The following CRADD variants were observed in gnomAD, a reference collection of about 807,000 sequenced individuals.
CRADD encodes death domain-containing protein CRADD.
A neutral mutation model predicts 15.5 loss-of-function variants in CRADD; 9 were observed. The observed-to-expected ratio is 0.58, with a 90% CI of 0.35 to 1.01. The LOEUF is 1.01. CRADD is among the 50% of genes least tolerant of loss of function. The probability of loss-of-function intolerance (pLI) is 0.02; values close to 1 mark genes in which losing one functional copy is unlikely to be tolerated. For synonymous variants in CRADD, 118 were observed against 107.6 expected (o/e 1.10, Z -0.60); for missense variants, 227 against 250.3 (o/e 0.91, Z 0.63).
At chr12:93,756,607 G>A (rs572657606) in intron 2 of CRADD, among the ~76,000 whole-genome samples, 1 of 152,336 alleles carries the variant, frequency 6.6e-6, no homozygotes, top group Admixed American at 6.5e-5. Context: ...CCAGAACTGG[G>A]CCTGCTGTGT....
chr12:93,738,187 T>C (rs909777243), intron 2 of CRADD: 2 of 607,998 alleles, frequency 3.3e-6, no homozygotes, highest in African/African-American at 1.8e-5. Context: ...ACAGCGCTGC[T>C]CATTTTTTGC....
At chr12:93,838,214 G>T (rs1022024861) in intron 2 of CRADD, among the ~76,000 whole-genome samples, 6 of 130,592 alleles carry the variant, frequency 4.6e-5, no homozygotes, top group Non-Finnish European at 7.9e-5. Flanking sequence ...TCCTTTTGAG[G>T]TTTTTTTTTT....
At chr12:93,709,422 C>T (rs1379622098) in intron 2 of CRADD, among the ~76,000 whole-genome samples, 1 of 152,164 alleles carries the variant, frequency 6.6e-6, no homozygotes, top group Admixed American at 6.5e-5. Context: ...TACCCTCTCC[C>T]CTCAAGTAGA....
At chr12:93,876,625 T>C (rs747451301) in intron 2 of CRADD, among the ~76,000 whole-genome samples, 11 of 152,168 alleles carry the variant, frequency 7.2e-5, no homozygotes, top group Non-Finnish European at 1.3e-4. Flanking sequence ...CATTCTTTAG[T>C]ATACCAATTG....
At chr12:93,736,764 A>G (rs892500092) in intron 2 of CRADD, among the ~76,000 whole-genome samples, 2 of 152,234 alleles carry the variant, frequency 1.3e-5, no homozygotes, top group East Asian at 1.9e-4. Context: ...ATGATTGCAG[A>G]TAACAGCATG....
chr12:93,885,739 A>G (rs1299447295), intron 2 of CRADD, among the ~76,000 whole-genome samples: 2 of 152,160 alleles, frequency 1.3e-5, no homozygotes, highest in Non-Finnish European at 2.9e-5. Context: ...GATCCTAACT[A>G]TGAAAGATCT....
intron 2 of CRADD, among the ~76,000 whole-genome samples, chr12:93,865,597 T>G (rs2137062424): frequency 6.6e-6 from 1 of 152,106 alleles, no homozygotes; most frequent in South Asian, 2.1e-4. Flanking sequence ...TTTTAAAAAT[T>G]TTTTGTAGAG....
At chr12:93,851,757 C>T (rs576061762), downstream of CRADD, among the ~76,000 whole-genome samples, 27 of 152,226 alleles carry the variant, frequency 1.8e-4, no homozygotes, top group African/African-American at 4.6e-4. Context: ...TTAATAATTA[C>T]GGAATCTGTT....
intron 2 of CRADD, among the ~76,000 whole-genome samples, chr12:93,711,421 G>T (rs1025967034): frequency 2.6e-5 from 4 of 151,950 alleles, no homozygotes; most frequent in Non-Finnish European, 4.4e-5. Context: ...AAAAATGTAA[G>T]TCAGATCATG....
chr12:93,877,576 C>T (rs568451929), intron 2 of CRADD, among the ~76,000 whole-genome samples: 90 of 152,338 alleles, frequency 5.9e-4, no homozygotes, highest in African/African-American at 1.6e-3. Context: ...TGCAGTCCTT[C>T]CTCCTCTTCC....
At chr12:93,873,771 G>T (rs989319812) in intron 2 of CRADD, among the ~76,000 whole-genome samples, 1 of 151,960 alleles carries the variant, frequency 6.6e-6, no homozygotes, top group East Asian at 1.9e-4. Flanking sequence ...CCATTTGATC[G>T]TGATGAATGA....
chr12:93,859,524 C>A, intron 2 of CRADD: 1 of 355,892 alleles, frequency 2.8e-6, no homozygotes, highest in Non-Finnish European at 5.6e-6. Context: ...TGATTTTATT[C>A]ATGCCCTTGC....
chr12:93,762,365 T>G (rs1248565721), intron 2 of CRADD, among the ~76,000 whole-genome samples: 1 of 152,230 alleles, frequency 6.6e-6, no homozygotes, highest in Non-Finnish European at 1.5e-5. Context: ...ATTGGAGAGA[T>G]ATGTCTGGCT....
intron 2 of CRADD, among the ~76,000 whole-genome samples, chr12:93,726,094 GTTTT>G (rs1165429350): frequency 1.0e-5 from 1 of 96,010 alleles, no homozygotes; most frequent in Non-Finnish European, 2.0e-5. Flanking sequence ...AAATAGTTTA[GTTTT>G]TTTTTTTTTT....
intron 2 of CRADD, among the ~76,000 whole-genome samples, chr12:93,747,463 C>T (rs1956771137): frequency 6.6e-6 from 1 of 150,894 alleles, no homozygotes; most frequent in African/African-American, 2.4e-5. Flanking sequence ...AATTTTTCTT[C>T]TTCTTTTTTT....
intron 2 of CRADD, among the ~76,000 whole-genome samples, chr12:93,683,675 G>A (rs1955369241): frequency 6.6e-6 from 1 of 152,236 alleles, no homozygotes; most frequent in Non-Finnish European, 1.5e-5. Flanking sequence ...CCAGCCTTGA[G>A]TGACAACACA....
intron 2 of CRADD, among the ~76,000 whole-genome samples, chr12:93,757,384 A>C (rs891919762): frequency 2.0e-5 from 3 of 152,170 alleles, no homozygotes; most frequent in Non-Finnish European, 2.9e-5. Flanking sequence ...CCCAAAACAT[A>C]CTGTCCCTGG....
In CRADD at chr12:93,680,984, A is replaced by G. The variant is rs11831175; in HGVS notation, c.298+1912A>G. Among the ~76,000 whole-genome samples, 1,123 of 151,772 alleles carry G rather than the reference A, an allele frequency of 7.4e-3. 13 individuals carry two copies. Among genetic ancestry groups the G allele is most frequent in the African/African-American group, 0.026 (1,078 of 41,322 alleles). The stretch of plus-strand genomic sequence containing the variant: ...TCTGCAACCTCTGCCTCCCGGGTTT[A>G]AGCAATTCTTCTGCCTCAGCCTCCC... On this transcript the variant is annotated intron_variant, in intron 2 of 2. Coordinates refer to ENST00000332896, the MANE Select transcript of CRADD (RefSeq NM_003805.5).
intron 2 of CRADD, among the ~76,000 whole-genome samples, chr12:93,734,912 C>A (rs537435410): frequency 2.3e-4 from 35 of 152,316 alleles, no homozygotes; most frequent in Admixed American, 1.8e-3. Context: ...AGGCCTTCCT[C>A]ATCCCCCTGC....
Sources: allele counts gnomAD v4.1 joint callset (sites outside exome capture counted in the v4.1 genomes callset), GRCh38; gene constraint gnomAD v4.1.1; transcripts MANE v1.5; gene names NCBI Gene and HGNC (gene_info 2026-07-23, HGNC 2026-07-21).